The following HIGD1A variants were observed in gnomAD, a reference collection of about 807,000 sequenced individuals.
HIGD1A encodes the protein HIG1 hypoxia inducible domain family member 1A, also known as HIG1 domain family member 1A, mitochondrial.
A neutral mutation model predicts 11.3 loss-of-function variants in HIGD1A; 8 were observed. That is an observed-to-expected ratio of 0.71 (90% CI 0.42 to 1.28). HIGD1A has a LOEUF of 1.28. Ranked by LOEUF, HIGD1A falls within the 50% of genes most tolerant of loss-of-function variation. The pLI is 0.01. For missense variants in HIGD1A, 107 were observed against 118.8 expected (o/e 0.90, Z 0.46); for synonymous variants, 32 against 38.4 (o/e 0.83, Z 0.62).
chr3:42,800,552 T>C (rs2125595293), intron 1 of HIGD1A, among the ~76,000 whole-genome samples: 2 of 152,140 alleles, frequency 1.3e-5, no homozygotes, highest in Middle Eastern at 6.8e-3. Flanking sequence ...TACTCTTTCC[T>C]AGCTAACTCC....
intron 3 of HIGD1A, 116 bp from the exon 4 acceptor site, chr3:42,785,436 G>T: frequency 2.6e-6 from 2 of 774,424 alleles, no homozygotes; most frequent in South Asian, 1.6e-5. Context: ...ATATTTACAA[G>T]GGGAATAAGA....
intron 1 of HIGD1A, among the ~76,000 whole-genome samples, chr3:42,801,346 G>C (rs1700558803): frequency 6.6e-6 from 1 of 152,124 alleles, no homozygotes; most frequent in Admixed American, 6.5e-5. Context: ...AAGTGCTTTG[G>C]TTATGCAGTC....
chr3:42,788,716 T>A (rs1490949642), intron 2 of HIGD1A, among the ~76,000 whole-genome samples: 1 of 151,830 alleles, frequency 6.6e-6, no homozygotes, highest in Non-Finnish European at 1.5e-5. Flanking sequence ...ACCCCGTCTC[T>A]ACTAAAAACA....
chr3:42,796,785 G>A (rs928503837), intron 1 of HIGD1A, among the ~76,000 whole-genome samples: 2 of 151,908 alleles, frequency 1.3e-5, no homozygotes, highest in Non-Finnish European at 2.9e-5. Flanking sequence ...TATTGATCTG[G>A]GTGGTGCCAG....
At chr3:42,794,094 T>A (rs964096908) in intron 2 of HIGD1A, 63 bp downstream of exon 2, 1 of 1,502,206 alleles carries the variant, frequency 6.7e-7, no homozygotes, top group Non-Finnish European at 9.0e-7. Context: ...AGGATATTGC[T>A]AAATGAACAA....
intron 1 of HIGD1A, among the ~76,000 whole-genome samples, chr3:42,803,458 G>A (rs1039894881): frequency 6.6e-6 from 1 of 152,232 alleles, no homozygotes; most frequent in African/African-American, 2.4e-5. Flanking sequence ...CTGGGGCAGA[G>A]CTCAAGGAAT....
At chr3:42,788,781 G>C (rs950500835) in intron 2 of HIGD1A, among the ~76,000 whole-genome samples, 4 of 151,732 alleles carry the variant, frequency 2.6e-5, no homozygotes, top group African/African-American at 9.7e-5. Context: ...AGGAAGCTGA[G>C]GTAGGAGAAT....
intron 2 of HIGD1A, among the ~76,000 whole-genome samples, chr3:42,789,567 C>A (rs200623415): frequency 0.044 from 6,203 of 140,240 alleles, 201 homozygotes; most frequent in Non-Finnish European, 0.061. Context: ...CATCCAAGAA[C>A]AAAAAAAAAA....
chr3:42,788,802 C>T (rs2125924192), intron 2 of HIGD1A, among the ~76,000 whole-genome samples: 1 of 151,634 alleles, frequency 6.6e-6, no homozygotes, highest in South Asian at 2.1e-4. Context: ...CACTTGAACC[C>T]AGGAGGCAGA....
At position 42,794,378 on chromosome 3, in the gene HIGD1A, A is replaced by G; in HGVS notation, c.-22-103T>C. 5.5e-6 allele frequency: 6 copies of G among 1,093,468 alleles called. No homozygotes were observed. In the East Asian group the frequency reaches 1.4e-4, roughly 26 times the overall value. 67.7% of individuals were successfully genotyped at this position (1,093,468 alleles called of 1,614,324 possible). A position where few individuals can be genotyped will look rare whatever the true frequency, so the allele number is the denominator to read the frequency against. Reference sequence around the variant, plus strand: ...TCCTAACTTCCATGAGAATCTTAGTATATGTTATCCATAATCCTAAAGTTA... The same window carrying G: ...TCCTAACTTCCATGAGAATCTTAGTGTATGTTATCCATAATCCTAAAGTTA... On this transcript the variant is annotated intron_variant, in intron 1 of 3. Transcript: ENST00000321331.
At chr3:42,789,567 C>T (rs200623415) in intron 2 of HIGD1A, among the ~76,000 whole-genome samples, 1 of 140,398 alleles carries the variant, frequency 7.1e-6, no homozygotes. Flanking sequence ...CATCCAAGAA[C>T]AAAAAAAAAA....
chr3:42,786,996 G>A (rs1333881130), intron 2 of HIGD1A, among the ~76,000 whole-genome samples: 6 of 152,112 alleles, frequency 3.9e-5, no homozygotes, highest in Admixed American at 3.9e-4. Context: ...AATAAAAACA[G>A]TGAGTCAAAA....
chr3:42,788,855 G>A (rs926990330), intron 2 of HIGD1A, among the ~76,000 whole-genome samples: 4 of 151,466 alleles, frequency 2.6e-5, no homozygotes, highest in East Asian at 3.9e-4. Flanking sequence ...TCCAGCCTGG[G>A]CGACAGAGCG....
At chr3:42,787,594 AAT>A (rs1163603645) in intron 2 of HIGD1A, among the ~76,000 whole-genome samples, 27 of 141,254 alleles carry the variant, frequency 1.9e-4, no homozygotes, top group African/African-American at 7.1e-4. Flanking sequence ...CCATCTCAAA[AAT>A]ATATATATAT....
At chr3:42,803,694 T>TA (rs1474446248) in intron 1 of HIGD1A, among the ~76,000 whole-genome samples, 2 of 152,214 alleles carry the variant, frequency 1.3e-5, no homozygotes, top group Non-Finnish European at 2.9e-5. Context: ...TGCTTCCCAC[T>TA]CCGGGAATTT....
chr3:42,801,006 T>C (rs1421478504), intron 1 of HIGD1A, among the ~76,000 whole-genome samples: 2 of 152,202 alleles, frequency 1.3e-5, no homozygotes, highest in Non-Finnish European at 2.9e-5. Flanking sequence ...CCAAATTCTT[T>C]TCTCTCTCTT....
chr3:42,799,708 A>G (rs1002845531), intron 1 of HIGD1A, among the ~76,000 whole-genome samples: 1 of 151,928 alleles, frequency 6.6e-6, no homozygotes, highest in African/African-American at 2.4e-5. Context: ...TGCCCGCCTC[A>G]GCCTCCCAAA....
At chr3:42,794,726 T>C (rs527458961) in intron 1 of HIGD1A, among the ~76,000 whole-genome samples, 38 of 152,376 alleles carry the variant, frequency 2.5e-4, no homozygotes, top group African/African-American at 8.9e-4. Context: ...TCGGTGTAGT[T>C]AAATGCAGTC....
chr3:42,793,159 T>A (rs941301646), intron 2 of HIGD1A, among the ~76,000 whole-genome samples: 3 of 152,192 alleles, frequency 2.0e-5, no homozygotes, highest in African/African-American at 7.2e-5. Context: ...ATGGTGGCAT[T>A]AAAGGTAATT....
Sources: gnomAD v4.1 joint callset for allele counts (sites outside exome capture counted in the v4.1 genomes callset) on GRCh38, gnomAD v4.1.1 for gene constraint, MANE v1.5 for transcripts, NCBI Gene and HGNC (gene_info 2026-07-23, HGNC 2026-07-21) for gene names.